The following NLK variants were observed in gnomAD, a reference collection of about 807,000 sequenced individuals.
The protein encoded by NLK is nemo like kinase.
In NLK, 11 loss-of-function variants were observed where a neutral mutation model predicts 59.0. The ratio of observed to expected loss-of-function variants is 0.19; its 90% CI spans 0.12 to 0.31. NLK has a LOEUF of 0.31. Ranked by LOEUF, NLK falls within the 10% of genes least tolerant of loss-of-function variation. The pLI, the probability that NLK is intolerant of heterozygous loss-of-function variation, is 1.00. For missense variants in NLK, 410 were observed against 661.1 expected (o/e 0.62, Z 4.16); for synonymous variants, 235 against 235.9 (o/e 1.00, Z 0.03).
intron 1 of NLK, among the ~76,000 whole-genome samples, chr17:28,118,335 T>C (rs1158616815): frequency 6.6e-6 from 1 of 152,200 alleles, no homozygotes; most frequent in African/African-American, 2.4e-5. Context: ...AACCTGATTT[T>C]CTTAAACCAA....
intron 3 of NLK, among the ~76,000 whole-genome samples, chr17:28,143,896 C>T (rs1163485851): frequency 6.6e-6 from 1 of 152,218 alleles, no homozygotes; most frequent in Non-Finnish European, 1.5e-5. Context: ...GTTTATTCAG[C>T]AGTGCCTTAT....
chr17:28,049,472 T>C (rs1276537948), intron 1 of NLK, among the ~76,000 whole-genome samples: 1 of 152,218 alleles, frequency 6.6e-6, no homozygotes, highest in Non-Finnish European at 1.5e-5. Flanking sequence ...TTTAGTCTTA[T>C]AAATAATTTT....
chr17:28,131,889 G>C (rs1477953105), intron 2 of NLK, among the ~76,000 whole-genome samples: 1 of 152,112 alleles, frequency 6.6e-6, no homozygotes, highest in East Asian at 1.9e-4. Context: ...ATGATTTAAA[G>C]AGACTTTGTG....
At chr17:28,179,872 GTTTTT>G (rs34411493) in intron 7 of NLK, among the ~76,000 whole-genome samples, 2 of 79,434 alleles carry the variant, frequency 2.5e-5, no homozygotes, top group East Asian at 4.4e-4. Context: ...AGCATTCTTG[GTTTTT>G]TTTTTTTTTT....
chr17:28,139,468 T>G (rs1407914711), intron 3 of NLK, among the ~76,000 whole-genome samples: 1 of 152,164 alleles, frequency 6.6e-6, no homozygotes, highest in Non-Finnish European at 1.5e-5. Context: ...AAAGAAAGGT[T>G]GATAGAACAA....
At chr17:28,089,089 G>C (rs72850128) in intron 1 of NLK, among the ~76,000 whole-genome samples, 17 of 152,252 alleles carry the variant, frequency 1.1e-4, no homozygotes, top group African/African-American at 3.6e-4. Flanking sequence ...ATGAAAACAG[G>C]TTTAGATGAT....
At chr17:28,184,139 T>TGA (rs1380909806) in intron 7 of NLK, among the ~76,000 whole-genome samples, 1 of 152,152 alleles carries the variant, frequency 6.6e-6, no homozygotes, top group African/African-American at 2.4e-5. Context: ...AATTCTTGAG[T>TGA]GAGAAATCAA....
chr17:28,122,755 G>A, intron 2 of NLK, 23 bp downstream of exon 2: 1 of 1,612,964 alleles, frequency 6.2e-7, no homozygotes. Flanking sequence ...GGTATTTGGG[G>A]GAAACTATTT....
intron 1 of NLK, among the ~76,000 whole-genome samples, chr17:28,083,430 A>G (rs1910413109): frequency 6.6e-6 from 1 of 152,214 alleles, no homozygotes; most frequent in South Asian, 2.1e-4. Flanking sequence ...TCACATTCAG[A>G]AAGGCAAAGC....
the NLK span, among the ~76,000 whole-genome samples, chr17:28,203,348 GT>G: frequency 1.3e-5 from 2 of 152,028 alleles, no homozygotes; most frequent in African/African-American, 4.8e-5. Flanking sequence ...GTTCCTCAAA[GT>G]TTTGGGTGTC....
chr17:28,178,412 TGATGTTTCAA>T (rs1460087996), intron 7 of NLK, among the ~76,000 whole-genome samples: 1 of 152,182 alleles, frequency 6.6e-6, no homozygotes, highest in Admixed American at 6.5e-5. Flanking sequence ...AAACACTGTG[TGATGTTTCAA>T]GTTTATTATC....
chr17:28,164,726 A>G (rs1485204129), intron 5 of NLK, among the ~76,000 whole-genome samples: 1 of 152,228 alleles, frequency 6.6e-6, no homozygotes, highest in Non-Finnish European at 1.5e-5. Flanking sequence ...TAACTGCTAT[A>G]TTTGAAAAGA....
intron 1 of NLK, among the ~76,000 whole-genome samples, chr17:28,082,940 G>A (rs1910397603): frequency 6.6e-6 from 1 of 152,202 alleles, no homozygotes; most frequent in African/African-American, 2.4e-5. Context: ...GGTTTCCACT[G>A]TGGCCCTTCC....
chr17:28,073,543 A>G (rs983761119), intron 1 of NLK, among the ~76,000 whole-genome samples: 1 of 152,200 alleles, frequency 6.6e-6, no homozygotes, highest in Admixed American at 6.5e-5. Flanking sequence ...GCATCTTTAG[A>G]TGCTTTTCCA....
chr17:28,197,702 G>A (rs1051194594), downstream of NLK, among the ~76,000 whole-genome samples: 5 of 151,856 alleles, frequency 3.3e-5, no homozygotes, highest in South Asian at 2.1e-4. Flanking sequence ...TATCTCTTAC[G>A]ATGACTCATA....
At chr17:28,082,526 G>A (rs1242873531) in intron 1 of NLK, among the ~76,000 whole-genome samples, 2 of 152,164 alleles carry the variant, frequency 1.3e-5, no homozygotes, top group East Asian at 1.9e-4. Flanking sequence ...TGAAATTGGG[G>A]TGCCTCCCTG....
intron 3 of NLK, among the ~76,000 whole-genome samples, chr17:28,160,462 GTCT>G (rs1189132185): frequency 2.0e-5 from 3 of 152,088 alleles, no homozygotes; most frequent in Admixed American, 2.0e-4. Flanking sequence ...CTTCACAAGA[GTCT>G]TGAATTGCAT....
chr17:28,194,759 C>A lies in NLK; in HGVS notation c.*123C>A. The A allele has an allele frequency of 2.0e-6, 1 of 510,788 alleles. No homozygotes were observed. Among genetic ancestry groups the A allele is most frequent in the Non-Finnish European group, 3.5e-6 (1 of 282,766 alleles). The allele number at this position is 510,788 out of a possible 1,614,324, so 31.6% of individuals were successfully genotyped here. Reference sequence around the variant, plus strand: ...TACTAATGAAGTTTTAAATTAACAACCACTACTTGTATGATATGAATAATA... The same window carrying A: ...TACTAATGAAGTTTTAAATTAACAAACACTACTTGTATGATATGAATAATA... On this transcript the variant is annotated 3_prime_UTR_variant, in exon 11 of 11. Coordinates refer to ENST00000407008, the MANE Select transcript of NLK (RefSeq NM_016231.5).
intron 1 of NLK, among the ~76,000 whole-genome samples, chr17:28,061,797 A>G (rs1909651081): frequency 1.4e-5 from 2 of 146,498 alleles, no homozygotes; most frequent in South Asian, 4.2e-4. Context: ...TAATATATAC[A>G]TATATACATA....
Sources: allele counts gnomAD v4.1 joint callset (sites outside exome capture counted in the v4.1 genomes callset), GRCh38; gene constraint gnomAD v4.1.1; transcripts MANE v1.5; gene names NCBI Gene and HGNC (gene_info 2026-07-23, HGNC 2026-07-21).